Variants in PPL observed in about 807,000 individuals in gnomAD.
PPL encodes periplakin.
In PPL, 198 loss-of-function variants were observed where a neutral mutation model predicts 194.4. That is an observed-to-expected ratio of 1.02 (90% CI 0.91 to 1.15). The LOEUF (loss-of-function observed/expected upper bound fraction) is 1.15. Ranked by LOEUF, PPL falls within the 50% of genes most tolerant of loss-of-function variation. PPL has a pLI of 0.00. For synonymous variants in PPL, 1,220 were observed against 972.4 expected (o/e 1.25, Z -4.74); for missense variants, 2,885 against 2,294.8 (o/e 1.26, Z -5.25).
chr16:4,911,156 C>CTTTTTTTT (rs34229581), intron 1 of PPL, among the ~76,000 whole-genome samples: 1 of 85,888 alleles, frequency 1.2e-5, no homozygotes, highest in African/African-American at 4.6e-5. Flanking sequence ...GGTCAGCCTC[C>CTTTTTTTT]TTTTTTTTTT....
intron 1 of PPL, among the ~76,000 whole-genome samples, chr16:4,936,351 A>AC (rs1365294355): frequency 6.6e-6 from 1 of 151,620 alleles, no homozygotes; most frequent in African/African-American, 2.4e-5. Context: ...CCGACCCCAC[A>AC]CCCCCCAGGG....
At chr16:4,933,308 CCA>C (rs2089249456) in intron 1 of PPL, among the ~76,000 whole-genome samples, 1 of 152,164 alleles carries the variant, frequency 6.6e-6, no homozygotes. Flanking sequence ...CAGGGCGGCC[CCA>C]GTGTTGCAAG....
intron 15 of PPL, 22 bp downstream of exon 15, chr16:4,892,013 A>C: frequency 1.2e-6 from 2 of 1,611,590 alleles, no homozygotes; most frequent in Non-Finnish European, 1.7e-6. Context: ...CCCAACCTCC[A>C]TGCTGCCTGT....
intron 1 of PPL, among the ~76,000 whole-genome samples, chr16:4,916,492 G>A (rs928674096): frequency 4.7e-5 from 7 of 148,414 alleles, no homozygotes; most frequent in Non-Finnish European, 7.4e-5. Context: ...GATTACAGGT[G>A]TGAGCCATTG....
At chr16:4,919,514 T>G (rs1037114799) in intron 1 of PPL, among the ~76,000 whole-genome samples, 19 of 152,194 alleles carry the variant, frequency 1.2e-4, no homozygotes, top group African/African-American at 4.3e-4. Context: ...TCCTCCCATC[T>G]CGGCCTCCCA....
intron 1 of PPL, among the ~76,000 whole-genome samples, chr16:4,914,002 G>A (rs1419381974): frequency 2.0e-5 from 3 of 152,246 alleles, no homozygotes; most frequent in African/African-American, 7.2e-5. Flanking sequence ...GGATGCCCAG[G>A]GGAACCTCTG....
Position 4,903,797 on chromosome 16 carries a change from A to C in PPL, c.317+89T>G, listed in dbSNP as rs2088624858. ...CCTAATTAGCCCTTGATAACCCCTG[A>C]CTCGGGCTCCCAAATGCTGAACAGG... On this transcript the variant is annotated intron_variant, in intron 3 of 21. Transcript: ENST00000345988. The C allele has an allele frequency of 2.0e-6, 3 of 1,501,906 alleles. No individual in the cohort carries two copies. In the South Asian group the frequency reaches 3.6e-5, roughly 18 times the overall value. 93.0% of individuals were successfully genotyped at this position (1,501,906 alleles called of 1,614,324 possible).
Position 4,886,042 on chromosome 16 carries a change from C to G in PPL, c.2613G>C (p.Pro871=), listed in dbSNP as rs780719168. ...GGGTCTCATGGGTCACTTCTACTTC[C>G]GGCTGCTGTGATGGAGAAGACAAGA... The part of the protein sequence containing the change: ...EFALNLLRQQ[P]EVEVTHETLQ... The change falls in exon 22 of 22, where the codon CCG becomes CCC. Residue 871 remains proline (P), a synonymous_variant. Transcript: ENST00000345988. 18 of 1,613,804 alleles carry G rather than the reference C, an allele frequency of 1.1e-5. No individual in the cohort carries two copies. The Admixed American group carries it at 2.5e-4, about 22-fold the overall frequency.
intron 9 of PPL, 21 bp downstream of exon 9, chr16:4,897,654 A>C: frequency 3.8e-6 from 6 of 1,594,710 alleles, no homozygotes; most frequent in Non-Finnish European, 5.2e-6. Flanking sequence ...TGCTGGGGGG[A>C]CTCCCAGGAA....
intron 1 of PPL, among the ~76,000 whole-genome samples, chr16:4,917,815 T>C (rs751809157): frequency 3.3e-5 from 5 of 151,686 alleles, no homozygotes; most frequent in Non-Finnish European, 7.4e-5. Context: ...GGTAGGAGGA[T>C]TACTTGAGCC....
At chr16:4,932,077 G>A (rs1596593131) in intron 1 of PPL, among the ~76,000 whole-genome samples, 1 of 152,208 alleles carries the variant, frequency 6.6e-6, no homozygotes, top group Non-Finnish European at 1.5e-5. Flanking sequence ...AGGTACGAGT[G>A]GGGAGGCCTC....
At chr16:4,912,699 T>G (rs1419544520) in intron 1 of PPL, among the ~76,000 whole-genome samples, 3 of 152,206 alleles carry the variant, frequency 2.0e-5, no homozygotes, top group Non-Finnish European at 4.4e-5. Context: ...GGGAACGCAG[T>G]GGCACTGGGT....
chr16:4,895,205 C>A lies in PPL; in HGVS notation c.1242+56G>T, dbSNP rs554916621. 131 of 1,517,328 alleles carry A rather than the reference C, an allele frequency of 8.6e-5. 1 individual carries two copies. The South Asian group carries it at 1.5e-3, about 18-fold the overall frequency. 94.0% of individuals were successfully genotyped at this position (1,517,328 alleles called of 1,614,324 possible). On this transcript the variant is annotated intron_variant, in intron 11 of 21. Transcript: ENST00000345988. Reference sequence around the variant, plus strand: ...ACGGCGCCTGAGGCCCGGGATCCAACCATGTTACCCCAAAAACTTTGTAGT... The same window carrying A: ...ACGGCGCCTGAGGCCCGGGATCCAAACATGTTACCCCAAAAACTTTGTAGT...
rs73519117 is a variant in PPL at position 4,890,168 on chromosome 16, G to A, written c.2313+16C>T. ...TTGCCAGTGTGTGCCTGGGGCTGCG[G>A]AAACGGCCATCTCACCTTCTGGTTC... On this transcript the variant is annotated intron_variant, in intron 18 of 21. Coordinates refer to ENST00000345988, the MANE Select transcript of PPL (RefSeq NM_002705.5). 3.1e-3 allele frequency: 5,069 copies of A among 1,613,992 alleles called. 134 individuals carry two copies. In the African/African-American group the frequency reaches 0.056, roughly 18 times the overall value.
Position 4,888,887 on chromosome 16 carries a change from G to A in PPL, c.2397+91C>T. 3.1e-6 allele frequency: 4 copies of A among 1,295,176 alleles called. No individual in the cohort carries two copies. In the African/African-American group the frequency reaches 5.8e-5, roughly 19 times the overall value. The allele number at this position is 1,295,176 out of a possible 1,614,324, so 80.2% of individuals were successfully genotyped here. On this transcript the variant is annotated intron_variant, in intron 19 of 21. Coordinates refer to ENST00000345988, the MANE Select transcript of PPL (RefSeq NM_002705.5). ...CGGATGGCCAGCTCCACCCCCATGT[G>A]CCAGGGCCGGTGCTTGCTGCTTCTC... is the stretch of plus-strand genomic sequence containing the variant.
chr16:4,887,304 G>A, intron 20 of PPL, 77 bp from the exon 21 acceptor site: 1 of 1,099,124 alleles, frequency 9.1e-7, no homozygotes, highest in South Asian at 1.2e-5. Context: ...AGACAGCGTG[G>A]ACGTGGTTCT....
chr16:4,921,774 G>A (rs1294194118), intron 1 of PPL, among the ~76,000 whole-genome samples: 1 of 152,086 alleles, frequency 6.6e-6, no homozygotes, highest in South Asian at 2.1e-4. Context: ...GCCCCAGCCT[G>A]CATTAGAGGT....
At chr16:4,917,652 G>A (rs1319229292) in intron 1 of PPL, among the ~76,000 whole-genome samples, 1 of 152,154 alleles carries the variant, frequency 6.6e-6, no homozygotes, top group African/African-American at 2.4e-5. Flanking sequence ...TATAATCCCA[G>A]CACTTTGGGA....
chr16:4,892,701 T>C (rs910321403), intron 14 of PPL: 6 of 161,860 alleles, frequency 3.7e-5, no homozygotes, highest in Non-Finnish European at 6.7e-5. Context: ...TCCTCTTCTG[T>C]AAAATTGGAG....
Sources: allele counts gnomAD v4.1 joint callset (sites outside exome capture counted in the v4.1 genomes callset), GRCh38; gene constraint gnomAD v4.1.1; transcripts MANE v1.5; gene names NCBI Gene and HGNC (gene_info 2026-07-23, HGNC 2026-07-21).